Variants in TINAG observed in about 807,000 individuals in gnomAD.
TINAG encodes tubulointerstitial nephritis antigen.
A neutral mutation model predicts 72.7 loss-of-function variants in TINAG; 83 were observed. The ratio of observed to expected loss-of-function variants is 1.14; its 90% CI spans 0.96 to 1.37. The LOEUF is 1.37. Ranked by LOEUF, TINAG falls within the 40% of genes most tolerant of loss-of-function variation. The pLI is 0.00. For missense variants in TINAG, 685 were observed against 576.6 expected, an observed-to-expected ratio of 1.19 and a Z score of -1.93; for synonymous variants, 234 against 189.9, an observed-to-expected ratio of 1.23 and a Z score of -1.91.
chr6:54,369,899 A>G (rs950919919), intron 9 of TINAG: 15 of 152,076 alleles, frequency 9.9e-5, no homozygotes, highest in African/African-American at 3.4e-4. Flanking sequence ...AATTTTTTCA[A>G]TGAAAAGTTA....
chr6:54,387,928 G>A (rs1333544751), intron 10 of TINAG, among the ~76,000 whole-genome samples: 1 of 152,054 alleles, frequency 6.6e-6, no homozygotes, highest in African/African-American at 2.4e-5. Context: ...TTTTTACAGT[G>A]TCTTACTCTT....
chr6:54,308,401 A>G (rs1266208534), upstream of TINAG: 2 of 664,990 alleles, frequency 3.0e-6, no homozygotes, highest in Admixed American at 3.0e-5. Flanking sequence ...ATGTTTAACT[A>G]TGAGAAGTAT....
intron 3 of TINAG, among the ~76,000 whole-genome samples, chr6:54,325,676 C>A (rs1218265652): frequency 6.6e-6 from 1 of 152,176 alleles, no homozygotes; most frequent in Admixed American, 6.6e-5. Context: ...ATGTCTCTGA[C>A]CTGATGTTTG....
In TINAG at chr6:54,331,363, A is replaced by G. The variant is rs554490344; in HGVS notation, c.624+4447A>G. On this transcript the variant is annotated intron_variant, in intron 4 of 10. Transcript: ENST00000259782. ...CAGAACCAATAACAAAAACCACATG[A>G]TTATCTCAATAGATGCAGAAAAGAC... Among the ~76,000 whole-genome samples the G allele has an allele frequency of 6.6e-5, 10 of 152,358 alleles. No homozygotes were observed. In the South Asian group the frequency reaches 2.1e-3, roughly 32 times the overall value.
rs9370293 is a variant in TINAG at position 54,389,325 on chromosome 6, C to T, written c.1297-466C>T. Among the ~76,000 whole-genome samples the T allele has an allele frequency of 9.3e-3, 1,423 of 152,262 alleles. 29 individuals are homozygous for T. The highest frequency in any genetic ancestry group is 0.049 in the East Asian group (253 of 5,186). On this transcript the variant is annotated intron_variant, in intron 10 of 10. Transcript: ENST00000259782. Reference sequence around the variant, plus strand: ...CTGAACCATCCAAGTAAATGAGATGCCCTTTCTCTGACCTCAAAAATACTC... The same window carrying T: ...CTGAACCATCCAAGTAAATGAGATGTCCTTTCTCTGACCTCAAAAATACTC...
intron 9 of TINAG, among the ~76,000 whole-genome samples, chr6:54,357,077 G>A (rs540678197): frequency 1.8e-4 from 28 of 151,704 alleles, no homozygotes; most frequent in South Asian, 1.5e-3. Flanking sequence ...CATTACTCCC[G>A]TCCTCTTCAC....
Position 54,371,981 on chromosome 6 carries a change from G to GTTTTTTTTTTT in TINAG, c.1251-8528_1251-8518dup, listed in dbSNP as rs576340253. Among the ~76,000 whole-genome samples, 18 of 71,432 alleles carry GTTTTTTTTTTT rather than the reference G, an allele frequency of 2.5e-4. 1 individual carries two copies. The highest frequency in any genetic ancestry group is 8.1e-4 in the African/African-American group (16 of 19,702). The allele number at this position is 71,432 out of a possible 152,430, so 46.9% of individuals were successfully genotyped here. On this transcript the variant is annotated intron_variant, in intron 9 of 10. Transcript: ENST00000259782. The stretch of plus-strand genomic sequence containing the variant: ...GTTTATAAAATGGCTTTCAAGTCAT[G>GTTTTTTTTTTT]TTTTTTTTTTTTTTTTTTTTTTTTT...
intron 10 of TINAG, among the ~76,000 whole-genome samples, chr6:54,384,004 C>T (rs1764024414): frequency 6.6e-6 from 1 of 152,102 alleles, no homozygotes; most frequent in African/African-American, 2.4e-5. Flanking sequence ...ACATATACAC[C>T]ATAGAATACT....
intron 4 of TINAG, 42 bp downstream of exon 4, chr6:54,326,958 A>G (rs775265401): frequency 3.7e-6 from 6 of 1,611,956 alleles, no homozygotes; most frequent in South Asian, 2.2e-5. Flanking sequence ...TGTATTTGTA[A>G]AAGTGTGTTT....
At chr6:54,351,458 G>A in intron 8 of TINAG, 61 bp downstream of exon 8, 8 of 1,480,636 alleles carry the variant, frequency 5.4e-6, no homozygotes, top group Non-Finnish European at 7.5e-6. Context: ...ACATTACATT[G>A]AGCTCATGTA....
At chr6:54,337,758 C>T (rs919309700) in intron 4 of TINAG, among the ~76,000 whole-genome samples, 2 of 152,084 alleles carry the variant, frequency 1.3e-5, no homozygotes, top group Non-Finnish European at 2.9e-5. Context: ...GTGTTTAGCT[C>T]CCACACACAT....
intron 9 of TINAG, among the ~76,000 whole-genome samples, chr6:54,376,340 G>A (rs563704272): frequency 1.3e-5 from 2 of 152,030 alleles, no homozygotes; most frequent in East Asian, 3.9e-4. Flanking sequence ...GGGCTAACCA[G>A]TAATTTGTTG....
At chr6:54,380,639 T>C (rs879844357) in intron 10 of TINAG, 68 bp downstream of exon 10, 2 of 1,299,956 alleles carry the variant, frequency 1.5e-6, no homozygotes, top group Non-Finnish European at 2.2e-6. Context: ...GTTCCTCTGC[T>C]ACCTGCTTTG....
At chr6:54,313,629 T>A (rs1475828643) in intron 1 of TINAG, among the ~76,000 whole-genome samples, 14 of 152,178 alleles carry the variant, frequency 9.2e-5, no homozygotes, top group African/African-American at 3.4e-4. Flanking sequence ...AACACGGTGA[T>A]TTACTTATCA....
intron 9 of TINAG, among the ~76,000 whole-genome samples, chr6:54,361,447 A>G (rs1763234823): frequency 6.6e-6 from 1 of 151,274 alleles, no homozygotes; most frequent in African/African-American, 2.4e-5. Flanking sequence ...TGGCGATAGG[A>G]GAGAGAGAGA....
Position 54,347,410 on chromosome 6 carries a change from C to G in TINAG, c.792C>G (p.Tyr264Ter). ...TAGCAATTCAGTCTAAGGGTCGATACACGGCCAATCTATCCCCTCAGAATT... is the reference window on the plus strand; with the variant it reads ...TAGCAATTCAGTCTAAGGGTCGATAGACGGCCAATCTATCCCCTCAGAATT... The part of the protein sequence containing the change: ...DRIAIQSKGR[Y>*]TANLSPQNLI... Residue 264 changes from tyrosine (Y) to a stop codon, truncating the protein, a stop_gained, in exon 6 of 11, where the codon TAC becomes TAG. Coordinates refer to ENST00000259782, the MANE Select transcript of TINAG (RefSeq NM_014464.4). LOFTEE classifies it high-confidence loss of function. 6.2e-7 allele frequency: 1 copy of G among 1,613,220 alleles called. No homozygotes were observed. The highest frequency in any genetic ancestry group is 8.5e-7 in the Non-Finnish European group (1 of 1,179,544).
chr6:54,343,172 C>A, intron 4 of TINAG, 54 bp from the exon 5 acceptor site: 1 of 1,396,658 alleles, frequency 7.2e-7, no homozygotes, highest in Non-Finnish European at 9.4e-7. Context: ...TGACATTTTC[C>A]TATTGAGACA....
In TINAG at chr6:54,389,906, C is replaced by T. The variant is rs779047105; in HGVS notation, c.1412C>T (p.Thr471Met). The change falls in exon 11 of 11, where the codon ACG (threonine) becomes ATG (methionine). Residue 471 changes from threonine to methionine, a missense_variant. Physicochemically the swap from Thr to Met is moderately conservative, Grantham distance 81. Transcript: ENST00000259782. The part of the protein sequence containing the change: ...KLIIAAWGQL[T>M]SSDEP Reference sequence around the variant, plus strand: ...ATTATCGCAGCTTGGGGCCAACTGACGAGTTCTGATGAACCATAACATATC... The same window carrying T: ...ATTATCGCAGCTTGGGGCCAACTGATGAGTTCTGATGAACCATAACATATC... The T allele has an allele frequency of 1.9e-5, 30 of 1,611,098 alleles. No individual in the cohort carries two copies. The highest frequency in any genetic ancestry group is 8.8e-5 in the South Asian group (8 of 90,488).
intron 6 of TINAG, among the ~76,000 whole-genome samples, chr6:54,347,946 AG>A (rs1237149159): frequency 6.6e-6 from 1 of 152,120 alleles, no homozygotes; most frequent in East Asian, 1.9e-4. Flanking sequence ...AATAATTTAC[AG>A]TTGTTTCAAC....
Sources: allele counts gnomAD v4.1 joint callset (sites outside exome capture counted in the v4.1 genomes callset), GRCh38; gene constraint gnomAD v4.1.1; transcripts MANE v1.5; gene names NCBI Gene and HGNC (gene_info 2026-07-23, HGNC 2026-07-21).